The following DEUP1 variants were observed in gnomAD, a reference collection of about 807,000 sequenced individuals.
The protein encoded by DEUP1 is deuterosome assembly protein 1.
Under a neutral mutation model 87.4 loss-of-function variants are expected in DEUP1, and 82 were observed. The observed-to-expected ratio is 0.94, with a 90% CI of 0.78 to 1.13. The LOEUF (loss-of-function observed/expected upper bound fraction) is 1.13. Among genes scored for constraint, DEUP1 ranks in the 50% most tolerant of loss-of-function variants. The pLI, the probability that DEUP1 is intolerant of heterozygous loss-of-function variation, is 0.00. For missense variants in DEUP1, 663 were observed against 681.5 expected (o/e 0.97, Z 0.30); for synonymous variants, 214 against 222.7 (o/e 0.96, Z 0.35).
At chr11:93,353,484 A>C (rs1944733227) in intron 2 of DEUP1, among the ~76,000 whole-genome samples, 1 of 152,156 alleles carries the variant, frequency 6.6e-6, no homozygotes, top group South Asian at 2.1e-4. Context: ...TCACAGCTCC[A>C]ATAGGCAGTG....
intron 12 of DEUP1, among the ~76,000 whole-genome samples, 181 bp downstream of exon 12, chr11:93,408,608 G>A (rs765806849): frequency 2.0e-4 from 31 of 152,206 alleles, no homozygotes; most frequent in Non-Finnish European, 3.2e-4. Flanking sequence ...AAATTGTGTC[G>A]ATTTGAAATG....
At chr11:93,414,588 G>A (rs1402312345) in intron 12 of DEUP1, among the ~76,000 whole-genome samples, 1 of 152,100 alleles carries the variant, frequency 6.6e-6, no homozygotes, top group Non-Finnish European at 1.5e-5. Flanking sequence ...GAAAGCCAGT[G>A]AGGTTAAGTG....
At chr11:93,373,643 A>ACG (rs1945882177) in intron 7 of DEUP1, among the ~76,000 whole-genome samples, 1 of 145,608 alleles carries the variant, frequency 6.9e-6, no homozygotes, top group Non-Finnish European at 1.5e-5. Flanking sequence ...ATATATATAT[A>ACG]TATATATACG....
chr11:93,375,869 C>T (rs922821028), intron 7 of DEUP1, among the ~76,000 whole-genome samples: 2 of 152,122 alleles, frequency 1.3e-5, no homozygotes, highest in African/African-American at 4.8e-5. Context: ...GGTACCAATT[C>T]TTCTTTGAAT....
chr11:93,331,873 G>A (rs1474007088), intron 1 of DEUP1, among the ~76,000 whole-genome samples: 2 of 152,140 alleles, frequency 1.3e-5, no homozygotes, highest in South Asian at 2.1e-4. Flanking sequence ...GCGAAACCCC[G>A]TCCCTACTAA....
chr11:93,370,747 T>A (rs2134265346), intron 6 of DEUP1, among the ~76,000 whole-genome samples: 1 of 152,332 alleles, frequency 6.6e-6, no homozygotes, highest in Admixed American at 6.5e-5. Context: ...TATAATTGAA[T>A]TTTTTACACC....
intron 2 of DEUP1, among the ~76,000 whole-genome samples, chr11:93,350,927 G>T (rs918648743): frequency 7.3e-5 from 11 of 151,258 alleles, no homozygotes; most frequent in African/African-American, 2.4e-4. Context: ...CTGCCCTCGA[G>T]CCTGGGCAAC....
intron 5 of DEUP1, 95 bp downstream of exon 5, chr11:93,364,389 G>A: frequency 9.0e-7 from 1 of 1,108,990 alleles, no homozygotes; most frequent in Middle Eastern, 2.0e-4. Flanking sequence ...GGTGTCTTCA[G>A]TTGTGGTAAT....
chr11:93,364,415 CT>C, intron 5 of DEUP1, 121 bp downstream of exon 5: 1 of 812,092 alleles, frequency 1.2e-6, no homozygotes, highest in Non-Finnish European at 2.0e-6. Flanking sequence ...CTATTACAAA[CT>C]AACTTCTCAC....
intron 11 of DEUP1, among the ~76,000 whole-genome samples, chr11:93,402,858 A>C (rs1437978871): frequency 5.3e-5 from 8 of 151,908 alleles, no homozygotes; most frequent in Admixed American, 1.3e-4. Context: ...TGGTTACCAG[A>C]GGCTAAGAAG....
At position 93,429,357 on chromosome 11, in the gene DEUP1, T is replaced by G. The variant is rs568039528; in HGVS notation, c.1639-8186T>G. Among the ~76,000 whole-genome samples the G allele has an allele frequency of 4.6e-4, 70 of 152,294 alleles. 2 individuals carry two copies. In the South Asian group the frequency reaches 0.014, roughly 30 times the overall value. ...AATTCCTCATTTAAGTTATGAGAAA[T>G]TCTAAGGGGACTTTGCAAATTCTGC... On this transcript the variant is annotated intron_variant, in intron 13 of 13. Transcript: ENST00000298050.
chr11:93,373,625 G>GTATATA (rs1555048258), intron 7 of DEUP1, among the ~76,000 whole-genome samples: 1,109 of 66,892 alleles, frequency 0.017, 9 homozygotes, highest in East Asian at 0.049. Context: ...ATATATATAC[G>GTATATA]TATATATATA....
In DEUP1 at chr11:93,386,667, C is replaced by T. The variant is rs755708723; in HGVS notation, c.935+1124C>T. On this transcript the variant is annotated intron_variant, in intron 8 of 13. Transcript: ENST00000298050. ...GGCAACTTAAGATCCCTAAAATGAC[C>T]TATTTGTGTGTCTCACCAAGGATGG... 2.9e-4 allele frequency among the ~76,000 whole-genome samples: 44 copies of T among 152,076 alleles called. 1 individual carries two copies. The highest frequency in any genetic ancestry group is 5.0e-4 in the Non-Finnish European group (34 of 68,014).
intron 7 of DEUP1, among the ~76,000 whole-genome samples, chr11:93,373,625 G>GTGTATATATATATATATATA (rs796309948): frequency 6.0e-5 from 4 of 67,002 alleles, no homozygotes; most frequent in African/African-American, 1.2e-4. Context: ...ATATATATAC[G>GTGTATATATATATATATATA]TATATATATA....
At position 93,437,801 on chromosome 11, in the gene DEUP1, A is replaced by C. The variant is rs1591288010; in HGVS notation, c.*82A>C. On this transcript the variant is annotated 3_prime_UTR_variant, in exon 14 of 14. Coordinates refer to ENST00000298050, the MANE Select transcript of DEUP1 (RefSeq NM_181645.4). Reference sequence around the variant, plus strand: ...TGGCAAAATATTTACAAAGCTGATTAATGAAACCAAGAAATTCTGTTCTGT... The same window carrying C: ...TGGCAAAATATTTACAAAGCTGATTCATGAAACCAAGAAATTCTGTTCTGT... 2.4e-5 allele frequency: 18 copies of C among 747,828 alleles called. No homozygotes were observed. In the East Asian group the frequency reaches 4.6e-4, roughly 19 times the overall value. 46.3% of individuals were successfully genotyped at this position (747,828 alleles called of 1,614,324 possible). A position where few individuals can be genotyped will look rare whatever the true frequency, so the allele number is the denominator to read the frequency against.
chr11:93,420,637 A>G (rs1947846929), intron 13 of DEUP1, among the ~76,000 whole-genome samples: 1 of 147,690 alleles, frequency 6.8e-6, no homozygotes, highest in Non-Finnish European at 1.5e-5. Flanking sequence ...CTGTTTGCAG[A>G]TGACATGATT....
At chr11:93,430,700 G>T (rs1359987199) in intron 13 of DEUP1, among the ~76,000 whole-genome samples, 1 of 152,150 alleles carries the variant, frequency 6.6e-6, no homozygotes, top group Non-Finnish European at 1.5e-5. Flanking sequence ...TGTACTAAAT[G>T]CCACTGAACC....
At position 93,348,299 on chromosome 11, in the gene DEUP1, T is replaced by C. The variant is rs187266277; in HGVS notation, c.30-7072T>C. 1.2e-4 allele frequency among the ~76,000 whole-genome samples: 18 copies of C among 152,336 alleles called. No homozygotes were observed. In the South Asian group the frequency reaches 1.7e-3, roughly 14 times the overall value. Reference sequence around the variant, plus strand: ...TTCAAAAAACCAACTCCTGGATTCATTGATCTTTTGAATTGTTTTTTATGT... The same window carrying C: ...TTCAAAAAACCAACTCCTGGATTCACTGATCTTTTGAATTGTTTTTTATGT... On this transcript the variant is annotated intron_variant, in intron 2 of 13. Coordinates refer to ENST00000298050, the MANE Select transcript of DEUP1 (RefSeq NM_181645.4).
intron 2 of DEUP1, among the ~76,000 whole-genome samples, chr11:93,342,463 G>A (rs1331417971): frequency 6.6e-6 from 1 of 152,240 alleles, no homozygotes; most frequent in African/African-American, 2.4e-5. Flanking sequence ...GCAAAGGAAT[G>A]CAAGTTTTGT....
Sources: gnomAD v4.1 joint callset for allele counts (sites outside exome capture counted in the v4.1 genomes callset) on GRCh38, gnomAD v4.1.1 for gene constraint, MANE v1.5 for transcripts, NCBI Gene and HGNC (gene_info 2026-07-23, HGNC 2026-07-21) for gene names.